HOMER1: variants seen among roughly 807,000 people sequenced by gnomAD.
The protein encoded by HOMER1 is homer scaffold protein 1.
Under a neutral mutation model 48.9 loss-of-function variants are expected in HOMER1, and 3 were observed. The ratio of observed to expected loss-of-function variants is 0.06; its 90% CI spans 0.03 to 0.16. HOMER1 has a LOEUF of 0.16. Ranked by LOEUF, HOMER1 falls within the 10% of genes least tolerant of loss-of-function variation. HOMER1 has a pLI of 1.00. For synonymous variants in HOMER1, 134 were observed against 146.4 expected (o/e 0.92, Z 0.61); for missense variants, 247 against 411.4 (o/e 0.60, Z 3.46).
intron 5 of HOMER1, among the ~76,000 whole-genome samples, chr5:79,426,921 T>A (rs1750273407): frequency 2.0e-5 from 3 of 152,094 alleles, no homozygotes; most frequent in Admixed American, 1.3e-4. Flanking sequence ...AATAAATATG[T>A]ACAACTATAA....
At chr5:79,451,759 C>T (rs571948973) in intron 2 of HOMER1, among the ~76,000 whole-genome samples, 5 of 151,458 alleles carry the variant, frequency 3.3e-5, no homozygotes, top group Non-Finnish European at 5.9e-5. Context: ...TTAGTAGAGA[C>T]GGGGTTTCAC....
chr5:79,385,737 G>C (rs991322298), intron 8 of HOMER1, among the ~76,000 whole-genome samples: 3 of 148,360 alleles, frequency 2.0e-5, no homozygotes, highest in East Asian at 2.0e-4. Context: ...CAGCTACTCA[G>C]GAAGTTGAGG....
At chr5:79,384,267 C>T (rs1229527251) in intron 8 of HOMER1, among the ~76,000 whole-genome samples, 1 of 151,968 alleles carries the variant, frequency 6.6e-6, no homozygotes, top group Non-Finnish European at 1.5e-5. Flanking sequence ...AAATCACTAG[C>T]TAGACCAAGA....
At chr5:79,493,869 T>C (rs949891714) in intron 1 of HOMER1, among the ~76,000 whole-genome samples, 2 of 152,218 alleles carry the variant, frequency 1.3e-5, no homozygotes, top group Non-Finnish European at 2.9e-5. Flanking sequence ...TGCTTGGTCT[T>C]AAAGGAGAAG....
At chr5:79,495,127 T>C (rs890019016) in intron 1 of HOMER1, among the ~76,000 whole-genome samples, 3 of 152,218 alleles carry the variant, frequency 2.0e-5, no homozygotes, top group Non-Finnish European at 4.4e-5. Flanking sequence ...TGAAGGAAGA[T>C]GTTCAAAATC....
intron 8 of HOMER1, among the ~76,000 whole-genome samples, chr5:79,377,234 A>G (rs1211484254): frequency 2.0e-5 from 3 of 152,168 alleles, no homozygotes; most frequent in African/African-American, 7.2e-5. Flanking sequence ...CAAATGTGCT[A>G]GGATTACAGG....
At chr5:79,507,249 AAAAC>A (rs1358765179) in intron 1 of HOMER1, among the ~76,000 whole-genome samples, 3 of 151,626 alleles carry the variant, frequency 2.0e-5, no homozygotes, top group Non-Finnish European at 4.4e-5. Flanking sequence ...AAACAAAAAA[AAAAC>A]AGTTTTACCT....
intron 2 of HOMER1, among the ~76,000 whole-genome samples, chr5:79,451,473 C>T (rs1051016429): frequency 1.3e-5 from 2 of 150,466 alleles, no homozygotes; most frequent in African/African-American, 4.9e-5. Flanking sequence ...AGAAGGTAGG[C>T]CTTAATAGTG....
intron 2 of HOMER1, among the ~76,000 whole-genome samples, chr5:79,454,316 T>C (rs747086836): frequency 1.3e-5 from 2 of 152,180 alleles, no homozygotes; most frequent in Non-Finnish European, 2.9e-5. Flanking sequence ...CATTTAACTC[T>C]CCTTTCTAAT....
At chr5:79,504,869 T>C (rs1431396932) in intron 1 of HOMER1, among the ~76,000 whole-genome samples, 2 of 152,200 alleles carry the variant, frequency 1.3e-5, no homozygotes, top group African/African-American at 4.8e-5. Context: ...CCAAATCCTT[T>C]CAACTAATAT....
chr5:79,401,376 A>G (rs920411612), intron 6 of HOMER1, among the ~76,000 whole-genome samples: 15 of 152,200 alleles, frequency 9.9e-5, no homozygotes, highest in Non-Finnish European at 1.5e-5. Flanking sequence ...ACTGAGCTGG[A>G]AGAAGGAAAT....
chr5:79,488,483 C>CT (rs1752180441), intron 1 of HOMER1, among the ~76,000 whole-genome samples: 1 of 152,194 alleles, frequency 6.6e-6, no homozygotes, highest in Non-Finnish European at 1.5e-5. Context: ...ACATCAGTCT[C>CT]TTTGAGTTTT....
chr5:79,423,505 T>A lies in HOMER1; in HGVS notation c.527+15505A>T, dbSNP rs917646510. On this transcript the variant is annotated intron_variant, in intron 5 of 8. Coordinates refer to ENST00000334082, the MANE Select transcript of HOMER1 (RefSeq NM_004272.5). ...CTGGAAGGAATTTCAGTAATTTTAA[T>A]TATGTGTGTGCATAATGCAAAAGCA... is the stretch of plus-strand genomic sequence containing the variant. Among the ~76,000 whole-genome samples the A allele has an allele frequency of 5.9e-5, 9 of 152,212 alleles. 1 individual carries two copies. Among genetic ancestry groups the A allele is most frequent in the Non-Finnish European group, 1.3e-4 (9 of 68,004 alleles).
intron 1 of HOMER1, among the ~76,000 whole-genome samples, chr5:79,478,035 T>C (rs1035356488): frequency 6.6e-6 from 1 of 152,164 alleles, no homozygotes; most frequent in Non-Finnish European, 1.5e-5. Context: ...ATCAATTGTA[T>C]TCATAATTAG....
At chr5:79,471,622 G>A (rs1224583925) in intron 1 of HOMER1, among the ~76,000 whole-genome samples, 1 of 151,714 alleles carries the variant, frequency 6.6e-6, no homozygotes, top group African/African-American at 2.4e-5. Flanking sequence ...TCTCAACCCT[G>A]GCTGCACATT....
chr5:79,491,075 C>CAAA lies in HOMER1; in HGVS notation c.5+21692_5+21694dup, dbSNP rs10527802. Among the ~76,000 whole-genome samples the CAAA allele has an allele frequency of 1.9e-3, 70 of 37,236 alleles. 17 individuals are homozygous for CAAA. Among genetic ancestry groups the CAAA allele is most frequent in the Non-Finnish European group, 4.1e-3 (52 of 12,692 alleles). 24.4% of individuals were successfully genotyped at this position (37,236 alleles called of 152,430 possible). A position where few individuals can be genotyped will look rare whatever the true frequency, so the allele number is the denominator to read the frequency against. Reference sequence around the variant, plus strand: ...TTTTTGGCCTTCAGTAGTACCAAAGCAAAAAAAAAAAAAAAAAAAAAAAAA... The same window carrying CAAA: ...TTTTTGGCCTTCAGTAGTACCAAAGCAAAAAAAAAAAAAAAAAAAAAAAAAAAA... On this transcript the variant is annotated intron_variant, in intron 1 of 8. Coordinates refer to ENST00000334082, the MANE Select transcript of HOMER1 (RefSeq NM_004272.5).
chr5:79,511,695 G>C (rs999827466), intron 1 of HOMER1, among the ~76,000 whole-genome samples: 2 of 152,170 alleles, frequency 1.3e-5, no homozygotes, highest in Non-Finnish European at 2.9e-5. Flanking sequence ...CCTACAACAT[G>C]CTCTAAATTT....
chr5:79,453,107 A>C (rs1161382270), intron 2 of HOMER1, among the ~76,000 whole-genome samples: 1 of 152,256 alleles, frequency 6.6e-6, no homozygotes, highest in Non-Finnish European at 1.5e-5. Flanking sequence ...GTCAGTAAAC[A>C]TACAAGTAAA....
At chr5:79,429,263 T>C (rs1047603557) in intron 5 of HOMER1, among the ~76,000 whole-genome samples, 1 of 151,596 alleles carries the variant, frequency 6.6e-6, no homozygotes, top group African/African-American at 2.4e-5. Context: ...GGCTGAGACA[T>C]GAGAATCACT....
Sources: allele counts gnomAD v4.1 joint callset (sites outside exome capture counted in the v4.1 genomes callset), GRCh38; gene constraint gnomAD v4.1.1; transcripts MANE v1.5; gene names NCBI Gene and HGNC (gene_info 2026-07-23, HGNC 2026-07-21).